The following DESI2 variants were observed in gnomAD, a reference collection of about 807,000 sequenced individuals.
DESI2 encodes the protein deubiquitinase DESI2.
DESI2 carries 10 observed loss-of-function variants against 24.1 expected under a neutral mutation model. The ratio of observed to expected loss-of-function variants is 0.41; its 90% CI spans 0.26 to 0.70. The LOEUF (loss-of-function observed/expected upper bound fraction) is 0.70. Among genes scored for constraint, DESI2 ranks in the 30% least tolerant of loss-of-function variants. The pLI is 0.29. For missense variants in DESI2, 122 were observed against 234.9 expected (o/e 0.52, Z 3.14); for synonymous variants, 71 against 87.7 (o/e 0.81, Z 1.06).
intron 1 of DESI2, among the ~76,000 whole-genome samples, chr1:244,679,256 G>A (rs1676515796): frequency 6.6e-6 from 1 of 152,076 alleles, no homozygotes; most frequent in Non-Finnish European, 1.5e-5. Flanking sequence ...TGCCCAGGCT[G>A]GTCTTTTTCT....
chr1:244,686,544 G>T (rs990441509), intron 1 of DESI2, 53 bp from the exon 2 acceptor site: 1 of 1,166,628 alleles, frequency 8.6e-7, no homozygotes, highest in Non-Finnish European at 1.3e-6. Flanking sequence ...GTAGCGCGGA[G>T]TTGGGTTGTA....
chr1:244,667,845 C>A (rs1039519216), intron 1 of DESI2, among the ~76,000 whole-genome samples: 1 of 152,194 alleles, frequency 6.6e-6, no homozygotes, highest in Non-Finnish European at 1.5e-5. Context: ...CAGAGGTGAC[C>A]AGCCAGTGAG....
chr1:244,657,458 G>A (rs1160235445), intron 1 of DESI2, among the ~76,000 whole-genome samples: 2 of 152,310 alleles, frequency 1.3e-5, no homozygotes, highest in African/African-American at 2.4e-5. Flanking sequence ...TTCCCAAACC[G>A]GAAACCTGGG....
chr1:244,678,753 T>G (rs1289337454), intron 1 of DESI2, among the ~76,000 whole-genome samples: 4 of 152,204 alleles, frequency 2.6e-5, no homozygotes, highest in Non-Finnish European at 1.5e-5. Context: ...TGGATAATAT[T>G]CTATATTTTG....
intron 1 of DESI2, among the ~76,000 whole-genome samples, chr1:244,659,997 G>A (rs1675782941): frequency 6.6e-6 from 1 of 152,212 alleles, no homozygotes; most frequent in Non-Finnish European, 1.5e-5. Flanking sequence ...AACCCCTTCA[G>A]ACTTGCAGTG....
At chr1:244,669,098 C>T (rs1676147250) in intron 1 of DESI2, among the ~76,000 whole-genome samples, 1 of 152,044 alleles carries the variant, frequency 6.6e-6, no homozygotes, top group Admixed American at 6.6e-5. Flanking sequence ...ACCTCCCAAC[C>T]TCCAACAAAC....
chr1:244,653,952 A>G, intron 1 of DESI2: 1 of 471,264 alleles, frequency 2.1e-6, no homozygotes, highest in Non-Finnish European at 4.4e-6. Flanking sequence ...ACATTTCTCA[A>G]GAAAATAGCC....
At chr1:244,684,328 A>G (rs2148802726) in intron 1 of DESI2, among the ~76,000 whole-genome samples, 1 of 152,336 alleles carries the variant, frequency 6.6e-6, no homozygotes, top group East Asian at 1.9e-4. Context: ...TAAAACTGAA[A>G]GTATTGCATT....
intron 4 of DESI2, among the ~76,000 whole-genome samples, chr1:244,704,093 T>TA (rs995802817): frequency 4.6e-5 from 7 of 152,198 alleles, no homozygotes; most frequent in African/African-American, 1.7e-4. Context: ...GATAGAGACA[T>TA]ACTATTTAAA....
chr1:244,688,306 G>A (rs1676892416), intron 2 of DESI2, among the ~76,000 whole-genome samples: 2 of 152,036 alleles, frequency 1.3e-5, no homozygotes, highest in African/African-American at 2.4e-5. Context: ...ACAATATTTT[G>A]TAAAATTTTG....
chr1:244,679,239 A>G (rs903093780), intron 1 of DESI2, among the ~76,000 whole-genome samples: 11 of 152,202 alleles, frequency 7.2e-5, no homozygotes, highest in African/African-American at 2.6e-4. Flanking sequence ...ATGGGGTTTC[A>G]CCATGTTGCC....
rs960214736 is a variant in DESI2 at position 244,707,800 on chromosome 1, C to T, written c.*2011C>T. On this transcript the variant is annotated 3_prime_UTR_variant, in exon 5 of 5. Transcript: ENST00000302550. The stretch of plus-strand genomic sequence containing the variant: ...TTAACCAGAATCCAGCAAGTCAGCA[C>T]ACAAGTGATTTTATTGTTATTTTGT... The T allele has an allele frequency of 2.6e-5, 4 of 152,320 alleles. No homozygotes were observed. Among genetic ancestry groups the T allele is most frequent in the Middle Eastern group, 3.4e-3 (1 of 294 alleles). The allele number at this position is 152,320 out of a possible 1,614,324, so 9.4% of individuals were successfully genotyped here. A position where few individuals can be genotyped will look rare whatever the true frequency, so the allele number is the denominator to read the frequency against.
At chr1:244,694,794 G>A (rs553911272) in intron 4 of DESI2, 15 of 547,458 alleles carry the variant, frequency 2.7e-5, no homozygotes, top group Non-Finnish European at 4.9e-5. Flanking sequence ...TTGTTTACCT[G>A]TTTCCTTGAC....
rs771130707 is a variant in DESI2 at position 244,689,274 on chromosome 1, C to T, written c.141C>T (p.Tyr47=). ...GREFAYGGHP[Y]PFSGIFEISP... ...AATTTGCTTATGGTGGCCATCCTTA[C>T]CCCTTTTCTGGAATATTTGAAATTT... The change falls in exon 3 of 5, where the codon TAC becomes TAT. Residue 47 remains tyrosine (Y), a synonymous_variant. Coordinates refer to ENST00000302550, the MANE Select transcript of DESI2 (RefSeq NM_016076.5). The surrounding 1 kb of genome is among the most constrained non-coding windows in gnomAD (Gnocchi z 4.0). 1.3e-6 allele frequency: 2 copies of T among 1,587,264 alleles called. No individual in the cohort carries two copies. The highest frequency in any genetic ancestry group is 1.1e-5 in the South Asian group (1 of 90,358).
intron 4 of DESI2, among the ~76,000 whole-genome samples, chr1:244,693,863 G>A (rs981511923): frequency 2.0e-5 from 3 of 152,288 alleles, no homozygotes; most frequent in Admixed American, 1.3e-4. Context: ...ATAAAATATG[G>A]TATATATTCC....
intron 1 of DESI2, among the ~76,000 whole-genome samples, chr1:244,677,057 C>A (rs1676438986): frequency 6.6e-6 from 1 of 151,148 alleles, no homozygotes. Flanking sequence ...GTTTTGGTAT[C>A]AGGTTTATCT....
intron 1 of DESI2, among the ~76,000 whole-genome samples, chr1:244,655,192 A>C (rs1362320444): frequency 6.6e-6 from 1 of 152,224 alleles, no homozygotes; most frequent in African/African-American, 2.4e-5. Flanking sequence ...CTTATTCTTC[A>C]CATCAAGTTT....
chr1:244,679,189 C>T (rs879626247), intron 1 of DESI2, among the ~76,000 whole-genome samples: 7 of 151,992 alleles, frequency 4.6e-5, no homozygotes, highest in Non-Finnish European at 7.4e-5. Context: ...ACTACAGGCA[C>T]GCACCACCAC....
At position 244,707,714 on chromosome 1, in the gene DESI2, C is replaced by T. The variant is rs1677765139; in HGVS notation, c.*1925C>T. On this transcript the variant is annotated 3_prime_UTR_variant, in exon 5 of 5. Coordinates refer to ENST00000302550, the MANE Select transcript of DESI2 (RefSeq NM_016076.5). ...ATGATTTAAACCTGGGCTACTGACA[C>T]ACACACAGTAGCCATTAGTTAGACT... The T allele has an allele frequency of 6.6e-6, 1 of 152,192 alleles. No homozygotes were observed. Among genetic ancestry groups the T allele is most frequent in the Admixed American group, 6.5e-5 (1 of 15,276 alleles). 9.4% of individuals were successfully genotyped at this position (152,192 alleles called of 1,614,324 possible).
Sources: gnomAD v4.1 joint callset for allele counts (sites outside exome capture counted in the v4.1 genomes callset) on GRCh38, gnomAD v4.1.1 for gene constraint, Gnocchi (gnomAD v3.1) non-coding constraint, MANE v1.5 for transcripts, NCBI Gene and HGNC (gene_info 2026-07-23, HGNC 2026-07-21) for gene names.